Variants in ZNF366 observed in about 807,000 individuals in gnomAD.
ZNF366 encodes the protein zinc finger protein 366.
In ZNF366, 20 loss-of-function variants were observed where a neutral mutation model predicts 47.2. The observed-to-expected ratio is 0.42, with a 90% CI of 0.30 to 0.62. ZNF366 has a LOEUF of 0.62. Among genes scored for constraint, ZNF366 ranks in the 20% least tolerant of loss-of-function variants. The pLI is 0.16. For synonymous variants in ZNF366, 421 were observed against 395.1 expected (o/e 1.07, Z -0.78); for missense variants, 987 against 976.3 (o/e 1.01, Z -0.15).
intron 2 of ZNF366, among the ~76,000 whole-genome samples, chr5:72,459,708 A>G (rs754061334): frequency 2.0e-5 from 3 of 152,220 alleles, no homozygotes; most frequent in Non-Finnish European, 4.4e-5. Flanking sequence ...GGAGAAAACA[A>G]TCCAAAAAGT....
At chr5:72,450,730 C>G (rs934784860) in intron 3 of ZNF366, among the ~76,000 whole-genome samples, 2 of 152,180 alleles carry the variant, frequency 1.3e-5, no homozygotes, top group African/African-American at 2.4e-5. Context: ...TTCCACCAAG[C>G]CTTTAGGTTC....
intron 1 of ZNF366, among the ~76,000 whole-genome samples, chr5:72,484,426 G>A (rs1427780047): frequency 6.7e-6 from 1 of 148,522 alleles, no homozygotes; most frequent in Non-Finnish European, 1.5e-5. Flanking sequence ...GGAGCTTGCA[G>A]TGAGCCGAGA....
intron 1 of ZNF366, among the ~76,000 whole-genome samples, chr5:72,474,102 T>C (rs1379970526): frequency 6.6e-6 from 1 of 152,220 alleles, no homozygotes; most frequent in Non-Finnish European, 1.5e-5. Context: ...TATGGCTTAT[T>C]TATTGCTGTG....
intron 1 of ZNF366, among the ~76,000 whole-genome samples, chr5:72,479,771 AGT>A (rs1743755629): frequency 6.6e-6 from 1 of 152,238 alleles, no homozygotes; most frequent in South Asian, 2.1e-4. Context: ...AAGTTGCATG[AGT>A]GTGTGTGCAC....
intron 1 of ZNF366, among the ~76,000 whole-genome samples, chr5:72,486,000 G>A (rs541075192): frequency 3.0e-4 from 46 of 152,230 alleles, no homozygotes; most frequent in Admixed American, 5.2e-4. Context: ...GAGGCCACCC[G>A]AACTCTGGCT....
At chr5:72,462,551 T>TTTCTTTC (rs1371593009) in intron 1 of ZNF366, among the ~76,000 whole-genome samples, 51 of 16,896 alleles carry the variant, frequency 3.0e-3, no homozygotes, top group African/African-American at 0.018. Context: ...TTCTTTCTTT[T>TTTCTTTC]TTTTTTTTTT....
chr5:72,454,719 GAA>G (rs1197584027), intron 3 of ZNF366, among the ~76,000 whole-genome samples: 4 of 152,200 alleles, frequency 2.6e-5, no homozygotes, highest in Non-Finnish European at 5.9e-5. Context: ...AAGGAATGAA[GAA>G]TGGCAAAGAG....
At chr5:72,462,568 T>C (rs1743346068) in intron 1 of ZNF366, among the ~76,000 whole-genome samples, 2 of 147,830 alleles carry the variant, frequency 1.4e-5, no homozygotes, top group African/African-American at 5.0e-5. Flanking sequence ...TTTTTGGAGA[T>C]GGAGTCTGGC....
intron 1 of ZNF366, among the ~76,000 whole-genome samples, chr5:72,471,842 C>T (rs1743571509): frequency 6.6e-6 from 1 of 152,022 alleles, no homozygotes; most frequent in Admixed American, 6.5e-5. Flanking sequence ...TTTTTCTGCC[C>T]AAGGTCTTAA....
intron 3 of ZNF366, among the ~76,000 whole-genome samples, chr5:72,455,338 C>G (rs1003468127): frequency 7.2e-5 from 11 of 152,094 alleles, no homozygotes; most frequent in African/African-American, 2.7e-4. Context: ...CAGGAACAGT[C>G]CCTGGAAACA....
rs150115031 is a variant in ZNF366, at chr5:72,456,696, G to T, written c.1333-101C>A. Reference sequence around the variant, plus strand: ...CCTCTCTGCCACATAAATCCACAAAGAGCTTGGTGATAGATGTTGAGTTTC... The same window carrying T: ...CCTCTCTGCCACATAAATCCACAAATAGCTTGGTGATAGATGTTGAGTTTC... On this transcript the variant is annotated intron_variant, in intron 2 of 4. Coordinates refer to ENST00000318442, the MANE Select transcript of ZNF366 (RefSeq NM_152625.3). The T allele has an allele frequency of 4.9e-6, 6 of 1,223,424 alleles. No homozygotes were observed. In the African/African-American group the frequency reaches 7.4e-5, roughly 15 times the overall value. 75.8% of individuals were successfully genotyped at this position (1,223,424 alleles called of 1,614,324 possible).
chr5:72,455,865 C>G (rs1358049579), intron 3 of ZNF366, among the ~76,000 whole-genome samples: 1 of 152,070 alleles, frequency 6.6e-6, no homozygotes, highest in Non-Finnish European at 1.5e-5. Flanking sequence ...GAGGGGCTAG[C>G]TTTGGAATCC....
chr5:72,484,234 C>T (rs1384116766), intron 1 of ZNF366, among the ~76,000 whole-genome samples: 1 of 152,056 alleles, frequency 6.6e-6, no homozygotes, highest in African/African-American at 2.4e-5. Flanking sequence ...CCTGTAATCC[C>T]AGCACTTTGG....
At chr5:72,447,510 G>T in intron 3 of ZNF366, 93 bp from the exon 4 acceptor site, 1 of 1,434,648 alleles carries the variant, frequency 7.0e-7, no homozygotes, top group Non-Finnish European at 9.5e-7. Flanking sequence ...TACTTTGTTT[G>T]GACATTGACA....
intron 1 of ZNF366, among the ~76,000 whole-genome samples, chr5:72,496,486 G>C (rs566317755): frequency 6.6e-6 from 1 of 152,106 alleles, no homozygotes; most frequent in African/African-American, 2.4e-5. Context: ...TTTTATTGTT[G>C]AGTAGTATTC....
intron 1 of ZNF366, among the ~76,000 whole-genome samples, chr5:72,479,383 G>A (rs1350951662): frequency 2.0e-5 from 3 of 150,480 alleles, no homozygotes; most frequent in Non-Finnish European, 4.4e-5. Flanking sequence ...GGCAACATAG[G>A]GAGACACTGT....
chr5:72,469,675 C>T (rs2112335680), intron 1 of ZNF366, among the ~76,000 whole-genome samples: 1 of 152,298 alleles, frequency 6.6e-6, no homozygotes, highest in Admixed American at 6.5e-5. Flanking sequence ...TTAAGTTATC[C>T]TTCAAGGTAG....
intron 1 of ZNF366, among the ~76,000 whole-genome samples, chr5:72,484,932 T>C (rs542975499): frequency 9.3e-5 from 14 of 150,606 alleles, no homozygotes; most frequent in African/African-American, 2.9e-4. Context: ...GAAGGACCTA[T>C]ATTTCCAGTG....
At chr5:72,451,256 A>G (rs12697709) in intron 3 of ZNF366, among the ~76,000 whole-genome samples, 124,344 of 152,320 alleles carry the variant, frequency 0.82, 51,264 homozygotes, top group East Asian at 0.97. Context: ...ACTCCAAGGA[A>G]CACCGTCAGT....
Sources: gnomAD v4.1 joint callset for allele counts (sites outside exome capture counted in the v4.1 genomes callset) on GRCh38, gnomAD v4.1.1 for gene constraint, MANE v1.5 for transcripts, NCBI Gene and HGNC (gene_info 2026-07-23, HGNC 2026-07-21) for gene names.